The following NCR1 variants were observed in gnomAD, a reference collection of about 807,000 sequenced individuals.
NCR1 encodes the protein natural cytotoxicity triggering receptor 1.
NCR1 carries 30 observed loss-of-function variants against 32.5 expected under a neutral mutation model. That is an observed-to-expected ratio of 0.92 (90% CI 0.69 to 1.25). NCR1 has a LOEUF of 1.25. Among genes scored for constraint, NCR1 ranks in the 50% most tolerant of loss-of-function variants. The pLI is 0.00. For missense variants in NCR1, 369 were observed against 380.7 expected, an observed-to-expected ratio of 0.97 and a Z score of 0.26; for synonymous variants, 169 against 143.4, an observed-to-expected ratio of 1.18 and a Z score of -1.28.
downstream of NCR1, among the ~76,000 whole-genome samples, chr19:54,916,316 G>GTTTTTTTTTTTTTTTTTTTTT (rs2068130459): frequency 1.2e-5 from 1 of 84,562 alleles, no homozygotes; most frequent in Non-Finnish European, 2.4e-5. Flanking sequence ...TGAATATTGT[G>GTTTTTTTTTTTTTTTTTTTTT]CTTTTTTTTT....
upstream of NCR1, among the ~76,000 whole-genome samples, chr19:54,905,962 TCA>T (rs1332086469): frequency 6.6e-6 from 1 of 152,136 alleles, no homozygotes; most frequent in Non-Finnish European, 1.5e-5. Flanking sequence ...CAGACAATTG[TCA>T]GAGTTGCTGG....
the NCR1 span, among the ~76,000 whole-genome samples, chr19:54,921,326 CT>C: frequency 6.6e-6 from 1 of 152,152 alleles, no homozygotes; most frequent in Non-Finnish European, 1.5e-5. Context: ...TGACTGTAGC[CT>C]TAAACACCAC....
At chr19:54,899,015 AG>A in the NCR1 span, among the ~76,000 whole-genome samples, 1 of 152,072 alleles carries the variant, frequency 6.6e-6, no homozygotes, top group African/African-American at 2.4e-5. Context: ...AAGGAAGATT[AG>A]AAAGACTCAG....
chr19:54,905,248 T>C (rs1041622621), upstream of NCR1, among the ~76,000 whole-genome samples: 2 of 152,186 alleles, frequency 1.3e-5, no homozygotes, highest in African/African-American at 4.8e-5. Context: ...CACCAGCATC[T>C]GTTAATTTCT....
At chr19:54,912,589 G>C (rs2068026141) in intron 6 of NCR1, 101 bp from the exon 7 acceptor site, 1 of 926,786 alleles carries the variant, frequency 1.1e-6, no homozygotes, top group Non-Finnish European at 1.5e-6. Context: ...ACAAGACTGA[G>C]GCTCTGTCTC....
chr19:54,936,482 T>C, the NCR1 span: 1 of 1,431,756 alleles, frequency 7.0e-7, no homozygotes, highest in Non-Finnish European at 9.9e-7. Flanking sequence ...ACTCACATTG[T>C]GTGGAGGCAT....
chr19:54,900,372 G>A, the NCR1 span, among the ~76,000 whole-genome samples: 19 of 152,148 alleles, frequency 1.2e-4, no homozygotes, highest in Non-Finnish European at 1.6e-4. Flanking sequence ...GTTCTCTGGC[G>A]GGCAGGAGTG....
downstream of NCR1, among the ~76,000 whole-genome samples, chr19:54,915,286 A>G (rs527942904): frequency 1.2e-4 from 19 of 152,210 alleles, no homozygotes; most frequent in Admixed American, 1.0e-3. Context: ...ACTTCTCACT[A>G]GGGGTCTTGA....
downstream of NCR1, among the ~76,000 whole-genome samples, chr19:54,914,069 A>C (rs1490656785): frequency 2.0e-5 from 3 of 149,880 alleles, no homozygotes; most frequent in Non-Finnish European, 4.5e-5. Context: ...TTCTGTCTCA[A>C]AAAAAAAAAG....
the NCR1 span, chr19:54,923,409 C>A: frequency 2.5e-6 from 1 of 399,210 alleles, no homozygotes; most frequent in Non-Finnish European, 4.7e-6. Context: ...AAGAATCAAC[C>A]GAATCATCCC....
chr19:54,936,540 G>A, the NCR1 span: 1 of 1,002,394 alleles, frequency 1.0e-6, no homozygotes. Context: ...AGAAGTTCTT[G>A]GCCGGGTGCA....
At chr19:54,917,725 G>T (rs189358967), downstream of NCR1, among the ~76,000 whole-genome samples, 16 of 152,120 alleles carry the variant, frequency 1.1e-4, no homozygotes, top group Admixed American at 2.0e-4. Context: ...ATGACTTGGG[G>T]AGGGGTTCTA....
chr19:54,913,311 C>G (rs967353008), downstream of NCR1, among the ~76,000 whole-genome samples: 1 of 152,140 alleles, frequency 6.6e-6, no homozygotes, highest in Non-Finnish European at 1.5e-5. Flanking sequence ...GCCTTGGCCT[C>G]CCAAAGGGCT....
At chr19:54,931,386 A>G in the NCR1 span, among the ~76,000 whole-genome samples, 1 of 151,978 alleles carries the variant, frequency 6.6e-6, no homozygotes, top group East Asian at 1.9e-4. Flanking sequence ...GTGAAACCCC[A>G]TCTTTACTAA....
the NCR1 span, chr19:54,936,280 A>G: frequency 1.2e-6 from 2 of 1,613,544 alleles, no homozygotes; most frequent in Non-Finnish European, 1.7e-6. Flanking sequence ...TGCAGGTTGC[A>G]TTTATGATTT....
the NCR1 span, among the ~76,000 whole-genome samples, chr19:54,925,663 AAAGAC>A: frequency 6.6e-6 from 1 of 152,154 alleles, no homozygotes; most frequent in Non-Finnish European, 1.5e-5. Flanking sequence ...TCAGAAAAGA[AAAGAC>A]AAAGGCAAGA....
upstream of NCR1, among the ~76,000 whole-genome samples, chr19:54,901,223 G>A: frequency 6.6e-6 from 1 of 151,252 alleles, no homozygotes; most frequent in East Asian, 2.0e-4. Flanking sequence ...TCGGGAGGCA[G>A]AGCTTGCAGT....
upstream of NCR1, among the ~76,000 whole-genome samples, chr19:54,902,433 T>C (rs1407148916): frequency 6.6e-6 from 1 of 151,886 alleles, no homozygotes; most frequent in Non-Finnish European, 1.5e-5. Context: ...CCCAAGTAGC[T>C]GGGACTATAG....
At chr19:54,917,361 C>T (rs2068156957), downstream of NCR1, among the ~76,000 whole-genome samples, 1 of 151,918 alleles carries the variant, frequency 6.6e-6, no homozygotes, top group Non-Finnish European at 1.5e-5. Flanking sequence ...GCTCTGTCGC[C>T]CAGGATGGAA....
Sources: allele counts gnomAD v4.1 joint callset (sites outside exome capture counted in the v4.1 genomes callset), GRCh38; gene constraint gnomAD v4.1.1; transcripts MANE v1.5; gene names NCBI Gene and HGNC (gene_info 2026-07-23, HGNC 2026-07-21).